The following PROKR2 variants were observed in gnomAD, a reference collection of about 807,000 sequenced individuals.
PROKR2 encodes prokineticin receptor 2.
In PROKR2, 26 loss-of-function variants were observed where a neutral mutation model predicts 23.4. That is an observed-to-expected ratio of 1.11 (90% CI 0.81 to 1.54). The LOEUF (loss-of-function observed/expected upper bound fraction) is 1.54, where lower values mean the gene tolerates loss of function less well. Among genes scored for constraint, PROKR2 ranks in the 40% most tolerant of loss-of-function variants. The pLI, the probability that PROKR2 is intolerant of heterozygous loss-of-function variation, is 0.00. For synonymous variants in PROKR2, 212 were observed against 201.2 expected (o/e 1.05, Z -0.45); for missense variants, 453 against 511.5 (o/e 0.89, Z 1.10).
intron 2 of PROKR2, among the ~76,000 whole-genome samples, chr20:5,313,173 A>C (rs7269853): frequency 0.19 from 29,189 of 152,202 alleles, 3,298 homozygotes; most frequent in Non-Finnish European, 0.24. Context: ...AATAAAAGCA[A>C]AAAATAAAAT....
At chr20:5,309,841 T>A (rs1255513922) in intron 2 of PROKR2, among the ~76,000 whole-genome samples, 1 of 152,246 alleles carries the variant, frequency 6.6e-6, no homozygotes, top group Non-Finnish European at 1.5e-5. Context: ...TTTCTCCTTA[T>A]TCTGTTGTCA....
intron 2 of PROKR2, 65 bp from the exon 3 acceptor site, chr20:5,302,801 C>T (rs1979062912): frequency 4.1e-6 from 5 of 1,232,392 alleles, no homozygotes; most frequent in Non-Finnish European, 6.0e-6. Flanking sequence ...TTGTAACTAA[C>T]CCCAAACATA....
chr20:5,316,836 G>A lies in PROKR2; in HGVS notation c.-351C>T, dbSNP rs1017607666. ...GGATGCCCAGCTCCCCCACCCCACC[G>A]CGTGCTCTCGGGCTGGTGCGTCCAG... On this transcript the variant is annotated 5_prime_UTR_variant, in exon 1 of 3. Transcript: ENST00000678254. The surrounding 1 kb of genome is among the most constrained non-coding windows in gnomAD (Gnocchi z 5.0). Among the ~76,000 whole-genome samples, 6 of 152,224 alleles carry A rather than the reference G, an allele frequency of 3.9e-5. No homozygotes were observed. The highest frequency in any genetic ancestry group is 6.5e-5 in the Admixed American group (1 of 15,292).
At chr20:5,307,257 G>A (rs1979253183) in intron 2 of PROKR2, among the ~76,000 whole-genome samples, 1 of 152,184 alleles carries the variant, frequency 6.6e-6, no homozygotes, top group South Asian at 2.1e-4. Flanking sequence ...CAGTTACAAT[G>A]AGTAATTTAA....
intron 2 of PROKR2, among the ~76,000 whole-genome samples, chr20:5,308,889 CA>C (rs1466327368): frequency 6.6e-6 from 1 of 152,172 alleles, no homozygotes; most frequent in Non-Finnish European, 1.5e-5. Context: ...CCCTGCCTGC[CA>C]GTGGCTCTGA....
Position 5,302,482 on chromosome 20 carries a change from G to T in PROKR2, c.713C>A (p.Thr238Asn). 1 of 1,614,248 alleles carries T rather than the reference G, an allele frequency of 6.2e-7. No individual in the cohort carries two copies. The change falls in exon 3 of 3, where the codon ACC becomes AAC. Residue 238 changes from threonine (T) to asparagine (N), a missense_variant. Coordinates refer to ENST00000678254, the MANE Select transcript of PROKR2 (RefSeq NM_144773.4). ...GATCCTGGCATAGCACAGGGTCATG[G>T]TGACCACAGGGCCCACGAACTCGAC... ...FGVEFVGPVV[T>N]MTLCYARISR...
rs1242167364 is a variant in PROKR2, at chr20:5,316,108, G to T, written c.-9+386C>A. On this transcript the variant is annotated intron_variant, in intron 1 of 2. Coordinates refer to ENST00000678254, the MANE Select transcript of PROKR2 (RefSeq NM_144773.4). This position sits in a 1 kb window ranked among gnomAD's most constrained non-coding sequence, Gnocchi z 5.0. ...TGCCTCCTGGCTGGAAGAAAACGGC[G>T]GGTGGGTGGAGGATGCGGTGCGCGG... The T allele has an allele frequency of 2.2e-6, 1 of 456,600 alleles. No individual in the cohort carries two copies. Among genetic ancestry groups the T allele is most frequent in the Admixed American group, 2.3e-5 (1 of 42,574 alleles). 28.3% of individuals were successfully genotyped at this position (456,600 alleles called of 1,614,324 possible). A position where few individuals can be genotyped will look rare whatever the true frequency, so the allele number is the denominator to read the frequency against.
Position 5,314,132 on chromosome 20 carries a change from G to C in PROKR2, c.238C>G (p.Arg80Gly). The C allele has an allele frequency of 6.2e-7, 1 of 1,614,134 alleles. No individual in the cohort carries two copies. Among genetic ancestry groups the C allele is most frequent in the Non-Finnish European group, 8.5e-7 (1 of 1,179,994 alleles). Residue 80 changes from arginine to glycine, a missense_variant, in exon 2 of 3, where the codon CGC becomes GGC. Coordinates refer to ENST00000678254, the MANE Select transcript of PROKR2 (RefSeq NM_144773.4). ...GTGAGGTTGCGCAACTTCTTATAGC[G>C]GGTGAGGGCAGCGATAAAGACAAAG... Reference protein sequence around the residue: ...GNFVFIAALTRYKKLRNLTNL... With the variant: ...GNFVFIAALTGYKKLRNLTNL...
intron 2 of PROKR2, among the ~76,000 whole-genome samples, chr20:5,308,202 CT>C (rs869098959): frequency 1.0e-3 from 38 of 36,958 alleles, no homozygotes; most frequent in Middle Eastern, 0.014. Flanking sequence ...GCCCCCCCCC[CT>C]CAAAACCTGG....
intron 2 of PROKR2, among the ~76,000 whole-genome samples, chr20:5,304,405 G>A (rs1206729042): frequency 2.6e-5 from 4 of 152,202 alleles, no homozygotes; most frequent in East Asian, 1.9e-4. Context: ...CTTTCCAGTC[G>A]GATGATGAAT....
At position 5,301,393 on chromosome 20, in the gene PROKR2, T is replaced by C. The variant is rs1978981322; in HGVS notation, c.*647A>G. Reference sequence around the variant, plus strand: ...GATTACAGGCGCCCGCCACCACGCCTAGCTAATTTTGTATTTTTAGTAGAG... The same window carrying C: ...GATTACAGGCGCCCGCCACCACGCCCAGCTAATTTTGTATTTTTAGTAGAG... On this transcript the variant is annotated 3_prime_UTR_variant, in exon 3 of 3. Coordinates refer to ENST00000678254, the MANE Select transcript of PROKR2 (RefSeq NM_144773.4). Among the ~76,000 whole-genome samples, 1 of 152,126 alleles carries C rather than the reference T, an allele frequency of 6.6e-6. No homozygotes were observed. Among genetic ancestry groups the C allele is most frequent in the Admixed American group, 6.5e-5 (1 of 15,282 alleles).
rs766469410 is a variant in PROKR2, at chr20:5,302,104, T to C, written c.1091A>G (p.Asp364Gly). The change falls in exon 3 of 3, where the codon GAC (aspartate) becomes GGC (glycine). Residue 364 changes from aspartate to glycine, a missense_variant. Transcript: ENST00000678254. ...CACCCCGTTGGTTCTGAGGTCAAGG[T>C]CAGCACTGGACTTGCTCCCCCGCTG... is the stretch of plus-strand genomic sequence containing the variant. ...PSQRGSKSSA[D>G]LDLRTNGVPT... is the part of the protein sequence containing the mutation. 3.7e-6 allele frequency: 6 copies of C among 1,614,066 alleles called. No individual in the cohort carries two copies. The highest frequency in any genetic ancestry group is 1.7e-5 in the Admixed American group (1 of 60,008).
chr20:5,308,702 T>C (rs1834073422), intron 2 of PROKR2, among the ~76,000 whole-genome samples: 1 of 152,174 alleles, frequency 6.6e-6, no homozygotes, highest in African/African-American at 2.4e-5. Flanking sequence ...CCGACCGAGC[T>C]GGTCTCAGCA....
intron 2 of PROKR2, 42 bp from the exon 3 acceptor site, chr20:5,302,778 T>C (rs1486889624): frequency 6.7e-7 from 1 of 1,492,036 alleles, no homozygotes; most frequent in African/African-American, 1.4e-5. Flanking sequence ...GATGAATACG[T>C]GGAAACGTTA....
At chr20:5,313,848 A>T in intron 2 of PROKR2, 64 bp downstream of exon 2, 1 of 1,331,076 alleles carries the variant, frequency 7.5e-7, no homozygotes, top group Non-Finnish European at 1.1e-6. Context: ...AGCCTGTCAG[A>T]GCCTAAATGA....
intron 2 of PROKR2, among the ~76,000 whole-genome samples, chr20:5,308,198 CCCCCT>C (rs1568571195): frequency 0.016 from 1,760 of 110,754 alleles, 34 homozygotes; most frequent in African/African-American, 0.062. Context: ...ACAGGCCCCC[CCCCCT>C]CAAAACCTGG....
chr20:5,308,881 CT>C (rs1219747716), intron 2 of PROKR2, among the ~76,000 whole-genome samples: 1 of 152,218 alleles, frequency 6.6e-6, no homozygotes. Context: ...TGCCTGCCCC[CT>C]GCCTGCCAGT....
intron 2 of PROKR2, 82 bp downstream of exon 2, chr20:5,313,830 G>A (rs894366328): frequency 8.6e-7 from 1 of 1,168,366 alleles, no homozygotes; most frequent in Non-Finnish European, 1.3e-6. Context: ...CCTATCTGGA[G>A]CAATGTCAGC....
In PROKR2 at chr20:5,300,913, T is replaced by C. The variant is rs181954512; in HGVS notation, c.*1127A>G. 6.6e-6 allele frequency among the ~76,000 whole-genome samples: 1 copy of C among 152,246 alleles called. No homozygotes were observed. The highest frequency in any genetic ancestry group is 1.9e-4 in the East Asian group (1 of 5,180). On this transcript the variant is annotated 3_prime_UTR_variant, in exon 3 of 3. Coordinates refer to ENST00000678254, the MANE Select transcript of PROKR2 (RefSeq NM_144773.4). ...AAAATTGACACCTCAGGATTACCCATCTCCACCCAAATAAAATGATAAGCT... is the reference window on the plus strand; with the variant it reads ...AAAATTGACACCTCAGGATTACCCACCTCCACCCAAATAAAATGATAAGCT...
Sources: gnomAD v4.1 joint callset for allele counts (sites outside exome capture counted in the v4.1 genomes callset) on GRCh38, gnomAD v4.1.1 for gene constraint, Gnocchi (gnomAD v3.1) non-coding constraint, MANE v1.5 for transcripts, NCBI Gene and HGNC (gene_info 2026-07-23, HGNC 2026-07-21) for gene names.